The following LHFPL6 variants were observed in gnomAD, a reference collection of about 807,000 sequenced individuals.
The protein encoded by LHFPL6 is LHFPL tetraspan subfamily member 6, also known as LHFPL tetraspan subfamily member 6 protein.
LHFPL6 carries 9 observed loss-of-function variants against 20.6 expected under a neutral mutation model. The ratio of observed to expected loss-of-function variants is 0.44; its 90% confidence interval spans 0.26 to 0.76. The LOEUF is 0.76. Ranked by LOEUF, LHFPL6 falls within the 30% of genes least tolerant of loss-of-function variation. The probability of loss-of-function intolerance (pLI) is 0.20; values close to 1 mark genes in which losing one functional copy is unlikely to be tolerated. For missense variants in LHFPL6, 218 were observed against 253.5 expected, an observed-to-expected ratio of 0.86 and a Z score of 0.95; for synonymous variants, 105 against 98.7, an observed-to-expected ratio of 1.06 and a Z score of -0.38.
intron 2 of LHFPL6, among the ~76,000 whole-genome samples, chr13:39,531,390 C>A (rs745618215): frequency 2.1e-4 from 32 of 151,992 alleles, no homozygotes; most frequent in Non-Finnish European, 3.4e-4. Context: ...CCTTTGGACA[C>A]ATAAAATTTT....
intron 2 of LHFPL6, among the ~76,000 whole-genome samples, chr13:39,474,822 G>A (rs1475578271): frequency 9.9e-5 from 15 of 152,078 alleles, no homozygotes; most frequent in Admixed American, 8.5e-4. Context: ...CACAACACAT[G>A]AGGCTGGAAG....
chr13:39,358,661 C>T (rs1047274562), intron 3 of LHFPL6, among the ~76,000 whole-genome samples: 13 of 152,114 alleles, frequency 8.5e-5, no homozygotes, highest in African/African-American at 3.1e-4. Flanking sequence ...GCCTAATATC[C>T]AGAATCTGTA....
chr13:39,560,512 T>TTTC (rs1003634179), intron 2 of LHFPL6, among the ~76,000 whole-genome samples: 6 of 147,988 alleles, frequency 4.1e-5, no homozygotes, highest in Non-Finnish European at 6.0e-5. Context: ...CTCTTTTTTT[T>TTTC]TTTTTTTTTT....
intron 2 of LHFPL6, among the ~76,000 whole-genome samples, chr13:39,508,538 ATC>A (rs1239677038): frequency 5.9e-5 from 9 of 152,128 alleles, no homozygotes; most frequent in African/African-American, 1.9e-4. Flanking sequence ...TTCACAATTG[ATC>A]TGTTTGAATT....
intron 2 of LHFPL6, among the ~76,000 whole-genome samples, chr13:39,450,445 A>G (rs1872410465): frequency 6.6e-6 from 1 of 152,204 alleles, no homozygotes; most frequent in African/African-American, 2.4e-5. Flanking sequence ...TGAAAGTACT[A>G]ATTCATTTTA....
At chr13:39,479,118 C>CT (rs1566120837) in intron 2 of LHFPL6, among the ~76,000 whole-genome samples, 65 of 121,642 alleles carry the variant, frequency 5.3e-4, no homozygotes, top group African/African-American at 1.4e-3. Context: ...TCTATCCATC[C>CT]ATCTATCTAT....
intron 2 of LHFPL6, among the ~76,000 whole-genome samples, chr13:39,401,201 T>G (rs183955134): frequency 2.4e-4 from 37 of 152,332 alleles, no homozygotes; most frequent in Admixed American, 6.5e-5. Context: ...GATTTTACAA[T>G]GTCTTTTTTA....
At chr13:39,544,704 C>T (rs1402184778) in intron 2 of LHFPL6, among the ~76,000 whole-genome samples, 1 of 151,978 alleles carries the variant, frequency 6.6e-6, no homozygotes, top group Non-Finnish European at 1.5e-5. Context: ...ACAAAGAAAC[C>T]TACAAGAATC....
intron 2 of LHFPL6, among the ~76,000 whole-genome samples, chr13:39,446,457 T>C (rs993535510): frequency 1.1e-4 from 16 of 152,162 alleles, no homozygotes; most frequent in African/African-American, 3.9e-4. Context: ...GTGCAGAAGT[T>C]AAACAGATAC....
chr13:39,347,843 G>A (rs746143551), intron 3 of LHFPL6, among the ~76,000 whole-genome samples: 1 of 152,174 alleles, frequency 6.6e-6, no homozygotes, highest in Non-Finnish European at 1.5e-5. Context: ...TGGTCCATCT[G>A]TTTAGCACTG....
At chr13:39,583,606 T>C (rs1872356550) in intron 2 of LHFPL6, among the ~76,000 whole-genome samples, 1 of 152,198 alleles carries the variant, frequency 6.6e-6, no homozygotes, top group South Asian at 2.1e-4. Context: ...AATGGTTACC[T>C]CTACCTCACA....
At chr13:39,499,566 C>CA (rs79031263) in intron 2 of LHFPL6, among the ~76,000 whole-genome samples, 47,259 of 152,064 alleles carry the variant, frequency 0.31, 7,805 homozygotes, top group Middle Eastern at 0.42. Context: ...CCCTATACGC[C>CA]ACCCTTTCAG....
intron 2 of LHFPL6, among the ~76,000 whole-genome samples, chr13:39,596,655 T>A (rs1489499971): frequency 2.7e-5 from 4 of 148,016 alleles, no homozygotes; most frequent in Admixed American, 2.7e-4. Context: ...AGGCATAATT[T>A]AAAAAAAAAA....
chr13:39,344,752 G>A (rs1274757009), intron 3 of LHFPL6, among the ~76,000 whole-genome samples: 4 of 152,136 alleles, frequency 2.6e-5, no homozygotes, highest in African/African-American at 9.7e-5. Context: ...TATTGTCTTT[G>A]TCAATTCTTT....
intron 2 of LHFPL6, among the ~76,000 whole-genome samples, chr13:39,382,287 C>T (rs954965865): frequency 6.6e-6 from 1 of 152,176 alleles, no homozygotes; most frequent in African/African-American, 2.4e-5. Context: ...GCTGGTTCTC[C>T]GATTAAACCT....
chr13:39,597,571 G>A (rs1872807782), intron 2 of LHFPL6, among the ~76,000 whole-genome samples: 1 of 152,024 alleles, frequency 6.6e-6, no homozygotes, highest in Non-Finnish European at 1.5e-5. Flanking sequence ...TTTCCCCACA[G>A]CCTTTCTACA....
chr13:39,595,150 CATT>C (rs201837086), intron 2 of LHFPL6, among the ~76,000 whole-genome samples: 2 of 151,934 alleles, frequency 1.3e-5, no homozygotes, highest in African/African-American at 2.4e-5. Flanking sequence ...AAAATAAAAA[CATT>C]ATTAGATACA....
Position 39,345,445 on chromosome 13 carries a change from G to A in LHFPL6, c.485-1391C>T, listed in dbSNP as rs536711031. The stretch of plus-strand genomic sequence containing the variant: ...GGAGAATCACTTGAACCCAGAAGGT[G>A]GAGGTTGCAGTGAGCTGAGATCACA... On this transcript the variant is annotated intron_variant, in intron 3 of 3. Coordinates refer to ENST00000379589, the MANE Select transcript of LHFPL6 (RefSeq NM_005780.3). Among the ~76,000 whole-genome samples, 550 of 145,028 alleles carry A rather than the reference G, an allele frequency of 3.8e-3. 6 individuals are homozygous for A. The highest frequency in any genetic ancestry group is 0.013 in the African/African-American group (510 of 39,584).
intron 2 of LHFPL6, among the ~76,000 whole-genome samples, chr13:39,557,169 C>T (rs1030931109): frequency 9.2e-5 from 14 of 152,252 alleles, no homozygotes; most frequent in Non-Finnish European, 1.6e-4. Context: ...GAGGCAGCCA[C>T]TCCCATCACA....
Sources: allele counts gnomAD v4.1 joint callset (sites outside exome capture counted in the v4.1 genomes callset), GRCh38; gene constraint gnomAD v4.1.1; transcripts MANE v1.5; gene names NCBI Gene and HGNC (gene_info 2026-07-23, HGNC 2026-07-21).